The following WNT5A variants were observed in gnomAD, a reference collection of about 807,000 sequenced individuals.
WNT5A encodes the protein protein Wnt-5a.
A neutral mutation model predicts 42.1 loss-of-function variants in WNT5A; 9 were observed. The observed-to-expected ratio is 0.21, with a 90% confidence interval of 0.13 to 0.37. The LOEUF is 0.37. Ranked by LOEUF, WNT5A falls within the 10% of genes least tolerant of loss-of-function variation. The pLI is 1.00. For missense variants in WNT5A, 426 were observed against 534.0 expected, an observed-to-expected ratio of 0.80 and a Z score of 1.99; for synonymous variants, 210 against 210.0, an observed-to-expected ratio of 1.00 and a Z score of 0.00.
upstream of WNT5A, chr3:55,488,057 C>G (rs2051608893): frequency 2.0e-5 from 3 of 152,234 alleles, no homozygotes; most frequent in Non-Finnish European, 4.4e-5. Flanking sequence ...GCTCGGAGCT[C>G]CGCGGCGGCG....
the WNT5A span, among the ~76,000 whole-genome samples, chr3:55,504,862 T>G: frequency 6.6e-6 from 1 of 152,236 alleles, no homozygotes; most frequent in Non-Finnish European, 1.5e-5. Flanking sequence ...AACATGATCA[T>G]GTAATAAATT....
intron 3 of WNT5A, among the ~76,000 whole-genome samples, 168 bp from the exon 4 acceptor site, chr3:55,474,797 G>C (rs1276204989): frequency 1.2e-5 from 1 of 80,276 alleles, no homozygotes; most frequent in South Asian, 6.3e-4. Flanking sequence ...AGGTAGGGAG[G>C]GGGGAGGTAG....
the WNT5A span, among the ~76,000 whole-genome samples, chr3:55,504,153 T>G: frequency 3.3e-5 from 5 of 151,874 alleles, no homozygotes; most frequent in East Asian, 9.7e-4. Flanking sequence ...AGGCCTGTAA[T>G]CTCAGCTACT....
chr3:55,482,988 T>C (rs374031747), intron 1 of WNT5A, among the ~76,000 whole-genome samples: 265 of 152,344 alleles, frequency 1.7e-3, no homozygotes, highest in African/African-American at 6.1e-3. Flanking sequence ...AGATTGGTGC[T>C]GGCCGCGTGC....
rs1208518230 is a variant in WNT5A, at chr3:55,487,232, C to G, written c.-247G>C. On this transcript the variant is annotated 5_prime_UTR_variant, in exon 1 of 5. Transcript: ENST00000264634. ...GGAGGGGGCGCGGACGCGCGCGAGC[C>G]GGCAGCAAGGGCAGGGCCTGGTCGG... 4.1e-6 allele frequency: 2 copies of G among 493,708 alleles called. No individual in the cohort carries two copies. The highest frequency in any genetic ancestry group is 3.9e-5 in the Admixed American group (1 of 25,900). The allele number at this position is 493,708 out of a possible 1,614,324, so 30.6% of individuals were successfully genotyped here.
the WNT5A span, among the ~76,000 whole-genome samples, chr3:55,496,032 G>A: frequency 9.2e-5 from 14 of 152,054 alleles, no homozygotes; most frequent in East Asian, 3.9e-4. Context: ...GAAATTTTAC[G>A]TTTTTTTGAA....
At chr3:55,493,750 A>G (rs2051686608), upstream of WNT5A, 1 of 152,256 alleles carries the variant, frequency 6.6e-6, no homozygotes, top group Admixed American at 6.5e-5. Context: ...CACTTTACCT[A>G]TAAATAAAAA....
the WNT5A span, among the ~76,000 whole-genome samples, chr3:55,504,032 G>A: frequency 6.6e-6 from 1 of 152,124 alleles, no homozygotes; most frequent in Non-Finnish European, 1.5e-5. Context: ...AGAACTTTGG[G>A]AGGCCAAGAC....
chr3:55,492,858 T>G (rs746191978), upstream of WNT5A, among the ~76,000 whole-genome samples: 2 of 152,228 alleles, frequency 1.3e-5, no homozygotes, highest in Non-Finnish European at 2.9e-5. Flanking sequence ...AAAGAGGTCC[T>G]GATTTTGATA....
In WNT5A at chr3:55,483,499, G is replaced by GAGACT. The variant is rs1406012978; in HGVS notation, c.7-2586_7-2582dup. On this transcript the variant is annotated intron_variant, in intron 1 of 4. Coordinates refer to ENST00000264634, the MANE Select transcript of WNT5A (RefSeq NM_003392.7). The surrounding 1 kb of genome is among the most constrained non-coding windows in gnomAD (Gnocchi z 4.2). ...GACAGTATGAAATGAGACCTCTGGGGAGACTGTCAACCCCAGGGGTAAAAC... is the reference window on the plus strand; with the variant it reads ...GACAGTATGAAATGAGACCTCTGGGGAGACTAGACTGTCAACCCCAGGGGTAAAAC... Among the ~76,000 whole-genome samples the GAGACT allele has an allele frequency of 2.0e-5, 3 of 152,210 alleles. No individual in the cohort carries two copies. Among genetic ancestry groups the GAGACT allele is most frequent in the Non-Finnish European group, 2.9e-5 (2 of 68,030 alleles).
chr3:55,485,021 C>T lies in WNT5A; in HGVS notation c.6+1959G>A, dbSNP rs1205528100. Among the ~76,000 whole-genome samples the T allele has an allele frequency of 2.0e-5, 3 of 152,252 alleles. 1 individual carries two copies. The highest frequency in any genetic ancestry group is 4.1e-4 in the South Asian group (2 of 4,824). Reference sequence around the variant, plus strand: ...CAAGCCCAGAAGAAGAGGTACCAACCCTGTGTCCAGCTGGCCGAGTCCCAT... The same window carrying T: ...CAAGCCCAGAAGAAGAGGTACCAACTCTGTGTCCAGCTGGCCGAGTCCCAT... On this transcript the variant is annotated intron_variant, in intron 1 of 4. Transcript: ENST00000264634.
chr3:55,485,382 A>G (rs2051558399), intron 1 of WNT5A, among the ~76,000 whole-genome samples: 1 of 151,604 alleles, frequency 6.6e-6, no homozygotes, highest in African/African-American at 2.4e-5. Context: ...AGGAGAAGAC[A>G]GGGGACTCTT....
upstream of WNT5A, among the ~76,000 whole-genome samples, chr3:55,489,683 GA>G (rs908900070): frequency 6.6e-6 from 1 of 152,180 alleles, no homozygotes; most frequent in African/African-American, 2.4e-5. Context: ...CGGCCTTAAG[GA>G]GAGGGAATCC....
chr3:55,501,751 T>C, the WNT5A span: 1 of 152,206 alleles, frequency 6.6e-6, no homozygotes, highest in Non-Finnish European at 1.5e-5. Flanking sequence ...TTTGAGCTAA[T>C]AACTCCAAGG....
chr3:55,488,268 C>T (rs2051612122), upstream of WNT5A: 1 of 152,160 alleles, frequency 6.6e-6, no homozygotes, highest in African/African-American at 2.4e-5. Context: ...CAGCAGATTT[C>T]CACGCGATCC....
chr3:55,482,472 G>T (rs2106968310), intron 1 of WNT5A, among the ~76,000 whole-genome samples: 1 of 152,338 alleles, frequency 6.6e-6, no homozygotes, highest in African/African-American at 2.4e-5. Context: ...GGCGGTGGAA[G>T]AGCCTGGCTT....
intron 3 of WNT5A, 48 bp from the exon 4 acceptor site, chr3:55,474,677 G>A: frequency 1.5e-6 from 2 of 1,342,816 alleles, no homozygotes; most frequent in Non-Finnish European, 1.9e-6. Flanking sequence ...CACGCGCTGG[G>A]CCGGGATGCT....
intron 1 of WNT5A, 114 bp from the exon 2 acceptor site, chr3:55,481,032 G>C (rs1323859213): frequency 4.3e-6 from 5 of 1,152,030 alleles, no homozygotes; most frequent in African/African-American, 1.6e-5. Context: ...GATTGACTGC[G>C]CTTCTCCTCC....
At chr3:55,474,686 C>G in intron 3 of WNT5A, 57 bp from the exon 4 acceptor site, 12 of 490,988 alleles carry the variant, frequency 2.4e-5, no homozygotes, top group Non-Finnish European at 2.8e-5. Flanking sequence ...GGCCGGGATG[C>G]TGCCGGGGGT....
Sources: allele counts gnomAD v4.1 joint callset (sites outside exome capture counted in the v4.1 genomes callset), GRCh38; gene constraint gnomAD v4.1.1; non-coding constraint Gnocchi (gnomAD v3.1); transcripts MANE v1.5; gene names NCBI Gene and HGNC (gene_info 2026-07-23, HGNC 2026-07-21).